CDH4: variants seen among roughly 807,000 people sequenced by gnomAD.
CDH4 encodes cadherin-4.
A neutral mutation model predicts 86.0 loss-of-function variants in CDH4; 33 were observed. The observed-to-expected ratio is 0.38, with a 90% confidence interval of 0.29 to 0.51. CDH4 has a LOEUF of 0.51. Among genes scored for constraint, CDH4 ranks in the 20% least tolerant of loss-of-function variants. CDH4 has a pLI of 0.86. For synonymous variants in CDH4, 555 were observed against 549.4 expected (o/e 1.01, Z -0.14); for missense variants, 1,114 against 1,307.4 (o/e 0.85, Z 2.28).
intron 2 of CDH4, among the ~76,000 whole-genome samples, chr20:61,349,428 C>T (rs1222114974): frequency 6.6e-6 from 1 of 152,214 alleles, no homozygotes; most frequent in Non-Finnish European, 1.5e-5. Context: ...TGAATTGAAT[C>T]ATAGGGAGAA....
intron 4 of CDH4, among the ~76,000 whole-genome samples, chr20:61,837,800 C>T (rs997119491): frequency 7.9e-5 from 12 of 152,166 alleles, no homozygotes; most frequent in Admixed American, 2.0e-4. Context: ...TCCGCCCCAG[C>T]CTCCAGGAGC....
At chr20:61,796,794 G>C (rs1053578224) in intron 4 of CDH4, among the ~76,000 whole-genome samples, 1 of 152,198 alleles carries the variant, frequency 6.6e-6, no homozygotes, top group African/African-American at 2.4e-5. Flanking sequence ...CTAGAAACTG[G>C]AGTATGTGAG....
intron 2 of CDH4, among the ~76,000 whole-genome samples, chr20:61,567,290 C>T (rs2086306099): frequency 6.6e-6 from 1 of 152,210 alleles, no homozygotes; most frequent in African/African-American, 2.4e-5. Context: ...GCTGCTACAA[C>T]TGCAGACAGA....
chr20:61,298,231 C>T (rs2084367385), intron 2 of CDH4, among the ~76,000 whole-genome samples: 1 of 152,180 alleles, frequency 6.6e-6, no homozygotes, highest in African/African-American at 2.4e-5. Flanking sequence ...ATGACTCAGT[C>T]CTGACCGCTA....
intron 2 of CDH4, among the ~76,000 whole-genome samples, chr20:61,496,570 A>C (rs1392322231): frequency 2.0e-5 from 3 of 152,244 alleles, no homozygotes; most frequent in Admixed American, 6.5e-5. Context: ...AGTAGTGTTC[A>C]ATATTCATTT....
chr20:61,791,349 T>A (rs1979189894), intron 4 of CDH4, among the ~76,000 whole-genome samples: 1 of 152,232 alleles, frequency 6.6e-6, no homozygotes, highest in Non-Finnish European at 1.5e-5. Context: ...TTTTCCTAAA[T>A]CATCAGCAAC....
At chr20:61,531,472 CA>C (rs956436259) in intron 2 of CDH4, among the ~76,000 whole-genome samples, 776 of 44,100 alleles carry the variant, frequency 0.018, no homozygotes, top group East Asian at 0.036. Context: ...GACTGCATCT[CA>C]AAAAAAAAAA....
intron 4 of CDH4, among the ~76,000 whole-genome samples, chr20:61,843,456 C>CAAAAAAAAAAAAAA (rs869283452): frequency 1.7e-5 from 1 of 58,848 alleles, no homozygotes; most frequent in African/African-American, 7.7e-5. Flanking sequence ...GACTCCGTCT[C>CAAAAAAAAAAAAAA]AAAAAAAAAA....
intron 2 of CDH4, among the ~76,000 whole-genome samples, chr20:61,657,080 C>T (rs1297435996): frequency 6.6e-6 from 1 of 152,222 alleles, no homozygotes; most frequent in Non-Finnish European, 1.5e-5. Context: ...AATATTTGAG[C>T]AAATCTAATG....
rs574209076 is a variant in CDH4, at chr20:61,889,567, T to C, written c.1051-5343T>C. 1.7e-3 allele frequency among the ~76,000 whole-genome samples: 233 copies of C among 134,106 alleles called. 3 individuals are homozygous for C. The highest frequency in any genetic ancestry group is 6.3e-3 in the African/African-American group (224 of 35,408). 88.0% of individuals were successfully genotyped at this position (134,106 alleles called of 152,430 possible). On this transcript the variant is annotated intron_variant, in intron 7 of 15. Transcript: ENST00000614565. ...GGATGATGGATGATGGATGGGTAGA[T>C]GGATCGATGATGAATGAGTTAGTGG... is the stretch of plus-strand genomic sequence containing the variant.
chr20:61,697,603 G>A (rs979409045), intron 2 of CDH4, among the ~76,000 whole-genome samples: 7 of 152,154 alleles, frequency 4.6e-5, no homozygotes, highest in East Asian at 1.9e-4. Context: ...ATCTCGGGGC[G>A]GGGGGAACAA....
At chr20:61,652,950 T>G (rs1241054445) in intron 2 of CDH4, among the ~76,000 whole-genome samples, 1 of 124,216 alleles carries the variant, frequency 8.1e-6, no homozygotes, top group South Asian at 2.4e-4. Flanking sequence ...TTTTTTTTTT[T>G]TTTTTATTGA....
In CDH4 at chr20:61,716,354, G is replaced by A. The variant is rs371628163; in HGVS notation, c.170-27209G>A. On this transcript the variant is annotated intron_variant, in intron 2 of 15. Transcript: ENST00000614565. ...TGGCTGGACCTGTAAAGGGGTGGAC[G>A]CTCCTCGCCTGTGAGCCTCCTCTTG... Among the ~76,000 whole-genome samples, 124 of 151,766 alleles carry A rather than the reference G, an allele frequency of 8.2e-4. 6 individuals carry two copies. In the South Asian group the frequency reaches 0.019, roughly 23 times the overall value.
chr20:61,371,693 G>C (rs1233117883), intron 2 of CDH4, among the ~76,000 whole-genome samples: 2 of 152,230 alleles, frequency 1.3e-5, no homozygotes, highest in African/African-American at 4.8e-5. Flanking sequence ...CCCGGCATCT[G>C]GAGGACAGAG....
chr20:61,689,738 C>G (rs376175064), intron 2 of CDH4, among the ~76,000 whole-genome samples: 270 of 86,404 alleles, frequency 3.1e-3, no homozygotes, highest in East Asian at 4.7e-3. Flanking sequence ...GGCTGGGACA[C>G]TGGTTGGTGA....
chr20:61,841,697 G>GT (rs1982180652), intron 4 of CDH4, among the ~76,000 whole-genome samples: 2 of 120,188 alleles, frequency 1.7e-5, no homozygotes, highest in Non-Finnish European at 4.3e-5. Flanking sequence ...GAGGTGCATT[G>GT]CGGGGGGGAA....
At chr20:61,891,099 A>G (rs1984799575) in intron 7 of CDH4, among the ~76,000 whole-genome samples, 1 of 152,126 alleles carries the variant, frequency 6.6e-6, no homozygotes, top group Non-Finnish European at 1.5e-5. Flanking sequence ...CCGCAAGCAC[A>G]GAGGGGCAGG....
chr20:61,427,492 G>C (rs1473740430), intron 2 of CDH4, among the ~76,000 whole-genome samples: 1 of 122,160 alleles, frequency 8.2e-6, no homozygotes. Context: ...TTTCCCAACT[G>C]AGAGGCTTTT....
chr20:61,362,609 G>A lies in CDH4; in HGVS notation c.169+107672G>A, dbSNP rs976758335. ...CGTGGCCTAGGACAGTGTAGTGGAAGTGAAGGGAAGTGGTGAGATTCAGCG... is the reference window on the plus strand; with the variant it reads ...CGTGGCCTAGGACAGTGTAGTGGAAATGAAGGGAAGTGGTGAGATTCAGCG... On this transcript the variant is annotated intron_variant, in intron 2 of 15. Coordinates refer to ENST00000614565, the MANE Select transcript of CDH4 (RefSeq NM_001794.5). Among the ~76,000 whole-genome samples the A allele has an allele frequency of 7.2e-5, 11 of 152,222 alleles. No individual in the cohort carries two copies. In the East Asian group the frequency reaches 1.9e-3, roughly 27 times the overall value.
Sources: allele counts gnomAD v4.1 joint callset (sites outside exome capture counted in the v4.1 genomes callset), GRCh38; gene constraint gnomAD v4.1.1; transcripts MANE v1.5; gene names NCBI Gene and HGNC (gene_info 2026-07-23, HGNC 2026-07-21).